The following MTRF1 variants were observed in gnomAD, a reference collection of about 807,000 sequenced individuals.
The protein encoded by MTRF1 is peptide chain release factor 1, mitochondrial.
A neutral mutation model predicts 62.9 loss-of-function variants in MTRF1; 51 were observed. That is an observed-to-expected ratio of 0.81 (90% CI 0.65 to 1.02). The LOEUF is 1.02. Ranked by LOEUF, MTRF1 falls within the 50% of genes least tolerant of loss-of-function variation. MTRF1 has a pLI of 0.00. For synonymous variants in MTRF1, 158 were observed against 181.9 expected (o/e 0.87, Z 1.06); for missense variants, 446 against 530.0 (o/e 0.84, Z 1.56).
the MTRF1 span, among the ~76,000 whole-genome samples, chr13:41,306,629 T>G: frequency 6.6e-6 from 1 of 152,200 alleles, no homozygotes; most frequent in Non-Finnish European, 1.5e-5. Flanking sequence ...CTCCTTGTCT[T>G]TACTAGGCTG....
chr13:41,307,962 A>G, the MTRF1 span, among the ~76,000 whole-genome samples: 1 of 152,164 alleles, frequency 6.6e-6, no homozygotes, highest in African/African-American at 2.4e-5. Context: ...GCTGCTTTCT[A>G]GTATTTGGGA....
Position 41,223,317 on chromosome 13 carries a change from T to C in MTRF1, c.1163A>G (p.Tyr388Cys). Reference sequence around the variant, plus strand: ...ACTGACTCTATCCTGGGTGAAATTATATGTCCGAATTCGCTCTGACTGGGC... The same window carrying C: ...ACTGACTCTATCCTGGGTGAAATTACATGTCCGAATTCGCTCTGACTGGGC... ...TRAQSERIRTYNFTQDRVSDH... is the reference protein window; with the variant it reads ...TRAQSERIRTCNFTQDRVSDH... The change falls in exon 9 of 10, where the codon TAT (tyrosine) becomes TGT (cysteine). Residue 388 changes from tyrosine (Y) to cysteine (C), a missense_variant. Tyr to Cys is a radical substitution (Grantham distance 194, BLOSUM62 -2). Transcript: ENST00000379480. 1 of 1,614,106 alleles carries C rather than the reference T, an allele frequency of 6.2e-7. No individual in the cohort carries two copies. Among genetic ancestry groups the C allele is most frequent in the South Asian group, 1.1e-5 (1 of 91,084 alleles).
chr13:41,267,355 C>A (rs2040852499), upstream of MTRF1, among the ~76,000 whole-genome samples: 1 of 152,052 alleles, frequency 6.6e-6, no homozygotes, highest in South Asian at 2.1e-4. Flanking sequence ...TGTGGTTATG[C>A]TCTGTGGTTA....
At chr13:41,250,588 G>C (rs1176821464) in intron 5 of MTRF1, among the ~76,000 whole-genome samples, 1 of 151,874 alleles carries the variant, frequency 6.6e-6, no homozygotes, top group Non-Finnish European at 1.5e-5. Context: ...GTGCCTCCTG[G>C]GTTCAAATGA....
At chr13:41,309,587 C>T in the MTRF1 span, among the ~76,000 whole-genome samples, 2 of 152,082 alleles carry the variant, frequency 1.3e-5, no homozygotes, top group Non-Finnish European at 2.9e-5. Context: ...CAGTACTTTC[C>T]CTATTTTAAA....
intron 5 of MTRF1, among the ~76,000 whole-genome samples, chr13:41,244,121 A>G (rs1643411539): frequency 6.6e-6 from 1 of 152,182 alleles, no homozygotes; most frequent in African/African-American, 2.4e-5. Flanking sequence ...TCAGAAAGGG[A>G]TCATGGGAAG....
At chr13:41,230,871 C>T (rs2035423181) in intron 7 of MTRF1, among the ~76,000 whole-genome samples, 1 of 151,982 alleles carries the variant, frequency 6.6e-6, no homozygotes, top group African/African-American at 2.4e-5. Context: ...TACAGGCATA[C>T]ACTACTACAC....
At chr13:41,237,694 T>C (rs1391629973) in intron 6 of MTRF1, among the ~76,000 whole-genome samples, 1 of 152,130 alleles carries the variant, frequency 6.6e-6, no homozygotes, top group Non-Finnish European at 1.5e-5. Context: ...AGACAGGGTT[T>C]CACCATGTTG....
At chr13:41,284,817 C>T in the MTRF1 span, among the ~76,000 whole-genome samples, 2 of 152,112 alleles carry the variant, frequency 1.3e-5, no homozygotes, top group African/African-American at 4.8e-5. Context: ...CCACAACTGG[C>T]TAACTTTTGT....
the MTRF1 span, among the ~76,000 whole-genome samples, chr13:41,272,825 G>C: frequency 6.6e-6 from 1 of 152,024 alleles, no homozygotes; most frequent in East Asian, 1.9e-4. Context: ...TTCTTTGTTG[G>C]AAGCAAGTAA....
At chr13:41,277,058 G>T in the MTRF1 span, among the ~76,000 whole-genome samples, 1 of 151,662 alleles carries the variant, frequency 6.6e-6, no homozygotes. Context: ...TAACCTATGA[G>T]CCTTTGATGA....
chr13:41,311,715 G>A, the MTRF1 span: 12 of 780,138 alleles, frequency 1.5e-5, no homozygotes, highest in East Asian at 6.1e-5. Flanking sequence ...TACCTCGGAG[G>A]TCGCGGGACC....
the MTRF1 span, chr13:41,311,319 G>C: frequency 1.8e-6 from 1 of 553,818 alleles, no homozygotes; most frequent in Middle Eastern, 3.1e-4. Flanking sequence ...GGAGCCCAGG[G>C]GAAGCGTGTC....
Position 41,223,312 on chromosome 13 carries a change from AATT to A in MTRF1, c.1165_1167del (p.Asn389del), listed in dbSNP as rs1371709477. The A allele has an allele frequency of 6.2e-7, 1 of 1,614,024 alleles. No homozygotes were observed. Among genetic ancestry groups the A allele is most frequent in the Non-Finnish European group, 8.5e-7 (1 of 1,179,972 alleles). Reference sequence around the variant, plus strand: ...TGGTCACTGACTCTATCCTGGGTGAAATTATATGTCCGAATTCGCTCTGACTGG... The same window carrying A: ...TGGTCACTGACTCTATCCTGGGTGAAATATGTCCGAATTCGCTCTGACTGG... On this transcript the variant is annotated inframe_deletion, in exon 9 of 10. Transcript: ENST00000379480.
chr13:41,245,443 T>C (rs1020426848), intron 5 of MTRF1, among the ~76,000 whole-genome samples: 1 of 152,038 alleles, frequency 6.6e-6, no homozygotes, highest in Non-Finnish European at 1.5e-5. Flanking sequence ...GATCTCACCA[T>C]GTGGGACCCA....
At chr13:41,277,259 G>C in the MTRF1 span, among the ~76,000 whole-genome samples, 1 of 151,940 alleles carries the variant, frequency 6.6e-6, no homozygotes, top group Non-Finnish European at 1.5e-5. Flanking sequence ...AGCCTCCTGA[G>C]TAGTTGGGAC....
chr13:41,295,588 C>T, the MTRF1 span, among the ~76,000 whole-genome samples: 3 of 151,608 alleles, frequency 2.0e-5, no homozygotes, highest in Non-Finnish European at 2.9e-5. Context: ...TACATTTTAT[C>T]GAGATAATCC....
chr13:41,286,611 CTACTT>C, the MTRF1 span, among the ~76,000 whole-genome samples: 1 of 152,198 alleles, frequency 6.6e-6, no homozygotes, highest in Non-Finnish European at 1.5e-5. Context: ...AAATTAATCT[CTACTT>C]CATATCTTAT....
the MTRF1 span, among the ~76,000 whole-genome samples, chr13:41,306,566 C>G: frequency 4.6e-5 from 7 of 152,298 alleles, no homozygotes; most frequent in Non-Finnish European, 1.0e-4. Context: ...CCAGCTGGCT[C>G]TGGAAGACAT....
Sources: allele counts gnomAD v4.1 joint callset (sites outside exome capture counted in the v4.1 genomes callset), GRCh38; gene constraint gnomAD v4.1.1; transcripts MANE v1.5; gene names NCBI Gene and HGNC (gene_info 2026-07-23, HGNC 2026-07-21).